The following JAKMIP3 variants were observed in gnomAD, a reference collection of about 807,000 sequenced individuals.
The protein encoded by JAKMIP3 is janus kinase and microtubule-interacting protein 3.
A neutral mutation model predicts 118.5 loss-of-function variants in JAKMIP3; 58 were observed. The ratio of observed to expected loss-of-function variants is 0.49; its 90% CI spans 0.40 to 0.61. JAKMIP3 has a LOEUF of 0.61. Ranked by LOEUF, JAKMIP3 falls within the 20% of genes least tolerant of loss-of-function variation. JAKMIP3 has a pLI of 0.00. For synonymous variants in JAKMIP3, 486 were observed against 451.2 expected, an observed-to-expected ratio of 1.08 and a Z score of -0.98; for missense variants, 950 against 1,109.0, an observed-to-expected ratio of 0.86 and a Z score of 2.04.
At chr10:132,144,190 C>A (rs1269841036) in intron 11 of JAKMIP3, 3 of 152,398 alleles carry the variant, frequency 2.0e-5, no homozygotes, top group Non-Finnish European at 4.4e-5. Flanking sequence ...AGGGAGGTGG[C>A]TCAGACCTCG....
chr10:132,096,512 C>T (rs888962708), intron 1 of JAKMIP3, among the ~76,000 whole-genome samples: 1 of 152,164 alleles, frequency 6.6e-6, no homozygotes, highest in Non-Finnish European at 1.5e-5. Context: ...TGACTTCCAC[C>T]CCAGGAAGTG....
At chr10:132,036,666 C>CCCCG (rs954442117), upstream of JAKMIP3, among the ~76,000 whole-genome samples, 5 of 150,442 alleles carry the variant, frequency 3.3e-5, no homozygotes, top group Non-Finnish European at 7.4e-5. Context: ...TGACGCGCGC[C>CCCCG]CCCGCCCGCC....
At chr10:132,080,716 C>T (rs1018202640) in intron 1 of JAKMIP3, among the ~76,000 whole-genome samples, 3 of 151,470 alleles carry the variant, frequency 2.0e-5, no homozygotes, top group Non-Finnish European at 4.4e-5. Context: ...GACAAGGTTT[C>T]ACCATGTTGA....
At chr10:132,081,508 G>T (rs1176211466) in intron 1 of JAKMIP3, among the ~76,000 whole-genome samples, 1 of 152,186 alleles carries the variant, frequency 6.6e-6, no homozygotes, top group Non-Finnish European at 1.5e-5. Context: ...TCACATGCTG[G>T]TCGGCTCCTG....
intron 1 of JAKMIP3, among the ~76,000 whole-genome samples, chr10:132,098,004 C>CTATCCT (rs1199956471): frequency 2.0e-5 from 1 of 49,192 alleles, no homozygotes; most frequent in Non-Finnish European, 4.3e-5. Flanking sequence ...TCCCCTTCCC[C>CTATCCT]TCCTTCCTTT....
chr10:132,180,666 C>CGTGT lies in JAKMIP3; in HGVS notation c.*1104-1685_*1104-1682dup, dbSNP rs1239491062. On this transcript the variant is annotated intron_variant, in intron 23 of 23. Coordinates refer to ENST00000684848, the MANE Select transcript of JAKMIP3 (RefSeq NM_001323087.2). ...GTGTGCGTGTGCGTGTGCGTGTGTG[C>CGTGT]GTGTGTGTGCGCGCGCGTGTGTGTG... Among the ~76,000 whole-genome samples, 48 of 14,362 alleles carry CGTGT rather than the reference C, an allele frequency of 3.3e-3. 3 individuals are homozygous for CGTGT. The highest frequency in any genetic ancestry group is 3.8e-3 in the Non-Finnish European group (30 of 7,910). The allele number at this position is 14,362 out of a possible 152,430, so 9.4% of individuals were successfully genotyped here.
chr10:132,055,309 G>C (rs1187434368), intron 1 of JAKMIP3, among the ~76,000 whole-genome samples: 2 of 152,118 alleles, frequency 1.3e-5, no homozygotes, highest in African/African-American at 2.4e-5. Context: ...AATTGTCCAA[G>C]TATCAATGAC....
intron 23 of JAKMIP3, among the ~76,000 whole-genome samples, chr10:132,176,625 A>G (rs559729367): frequency 6.6e-6 from 1 of 152,182 alleles, no homozygotes; most frequent in African/African-American, 2.4e-5. Flanking sequence ...CAGCAGACAC[A>G]TTTCCAAAAG....
intron 23 of JAKMIP3, among the ~76,000 whole-genome samples, chr10:132,180,425 G>A (rs1307435209): frequency 6.7e-6 from 1 of 149,772 alleles, no homozygotes; most frequent in Non-Finnish European, 1.5e-5. Flanking sequence ...AGAAAGGGGA[G>A]GGTGGGTGGG....
chr10:132,140,589 G>C lies in JAKMIP3; in HGVS notation c.1473+10G>C. 1 of 1,403,712 alleles carries C rather than the reference G, an allele frequency of 7.1e-7. No individual in the cohort carries two copies. Among genetic ancestry groups the C allele is most frequent in the Admixed American group, 2.2e-5 (1 of 44,962 alleles). 87.0% of individuals were successfully genotyped at this position (1,403,712 alleles called of 1,614,324 possible). The stretch of plus-strand genomic sequence containing the variant: ...CGATGACTTGGAGGAGGTAACGAGG[G>C]TCTCCTGCCGGGTCCTGGGCTTGGA... On this transcript the variant is annotated intron_variant, in intron 10 of 23. Coordinates refer to ENST00000684848, the MANE Select transcript of JAKMIP3 (RefSeq NM_001323087.2).
At chr10:132,096,689 G>A (rs2043910090) in intron 1 of JAKMIP3, among the ~76,000 whole-genome samples, 1 of 151,986 alleles carries the variant, frequency 6.6e-6, no homozygotes, top group Non-Finnish European at 1.5e-5. Context: ...TAGATGGAGG[G>A]GACATACTTT....
At chr10:132,135,706 G>A (rs929722399) in intron 5 of JAKMIP3, among the ~76,000 whole-genome samples, 6 of 152,048 alleles carry the variant, frequency 3.9e-5, no homozygotes, top group Non-Finnish European at 5.9e-5. Flanking sequence ...CCGGGCGAGC[G>A]GGTTCACCTG....
chr10:132,180,582 T>C (rs1364400590), intron 23 of JAKMIP3, among the ~76,000 whole-genome samples: 961 of 21,214 alleles, frequency 0.045, 157 homozygotes, highest in East Asian at 0.082. Flanking sequence ...TGTGTGTGCG[T>C]GCGCGTGTGT....
chr10:132,110,053 C>T (rs773652443), intron 2 of JAKMIP3, among the ~76,000 whole-genome samples: 1 of 152,248 alleles, frequency 6.6e-6, no homozygotes, highest in African/African-American at 2.4e-5. Flanking sequence ...TAATTTCCAG[C>T]AGATCCAGGT....
intron 2 of JAKMIP3, among the ~76,000 whole-genome samples, chr10:132,111,500 G>A (rs2046871343): frequency 6.6e-6 from 1 of 152,162 alleles, no homozygotes; most frequent in African/African-American, 2.4e-5. Flanking sequence ...GGGTGCAGAA[G>A]AGGTCAGCAG....
At chr10:132,151,837 G>A (rs1298241114) in intron 16 of JAKMIP3, among the ~76,000 whole-genome samples, 2 of 152,240 alleles carry the variant, frequency 1.3e-5, no homozygotes, top group African/African-American at 4.8e-5. Flanking sequence ...GTTGGATACT[G>A]GAGGGCTCAT....
Position 132,148,829 on chromosome 10 carries a change from C to T in JAKMIP3, c.1849-583C>T, listed in dbSNP as rs949851774. On this transcript the variant is annotated intron_variant, in intron 14 of 23. Coordinates refer to ENST00000684848, the MANE Select transcript of JAKMIP3 (RefSeq NM_001323087.2). ...GGGAGGAAGTGGCCCACACAGGGGC[C>T]GCCCCTGCCGAGCACCACACACAGC... Among the ~76,000 whole-genome samples, 6 of 152,156 alleles carry T rather than the reference C, an allele frequency of 3.9e-5. No homozygotes were observed. The South Asian group carries it at 6.2e-4, about 16-fold the overall frequency.
chr10:132,129,776 G>A (rs925513603), intron 3 of JAKMIP3, among the ~76,000 whole-genome samples: 4 of 151,874 alleles, frequency 2.6e-5, no homozygotes, highest in African/African-American at 7.3e-5. Context: ...CCTGCGTTGT[G>A]TATCTTGTTC....
At chr10:132,145,045 G>T in intron 11 of JAKMIP3, 62 bp from the exon 12 acceptor site, 6 of 1,382,162 alleles carry the variant, frequency 4.3e-6, no homozygotes, top group South Asian at 3.7e-5. Context: ...TCCCACGAGT[G>T]TGTGTGCTGT....
Sources: gnomAD v4.1 joint callset for allele counts (sites outside exome capture counted in the v4.1 genomes callset) on GRCh38, gnomAD v4.1.1 for gene constraint, MANE v1.5 for transcripts, NCBI Gene and HGNC (gene_info 2026-07-23, HGNC 2026-07-21) for gene names.